Variants in SPG11 observed in about 807,000 individuals in gnomAD.
The protein encoded by SPG11 is SPG11 vesicle trafficking associated, spatacsin.
Under a neutral mutation model 274.0 loss-of-function variants are expected in SPG11, and 222 were observed. That is an observed-to-expected ratio of 0.81 (90% CI 0.73 to 0.91). The LOEUF is 0.91. Among genes scored for constraint, SPG11 ranks in the 40% least tolerant of loss-of-function variants. The pLI, the probability that SPG11 is intolerant of heterozygous loss-of-function variation, is 0.00. For synonymous variants in SPG11, 1,144 were observed against 1,039.7 expected, an observed-to-expected ratio of 1.10 and a Z score of -1.93; for missense variants, 3,114 against 2,872.7, an observed-to-expected ratio of 1.08 and a Z score of -1.92.
chr15:44,626,506 T>A lies in SPG11; in HGVS notation c.2069A>T (p.Glu690Val). ...SNIWKKLSFE[E>V]VIASAILNNK... ...GTTTAAAATGGCGCTGGCAATAACT[T>A]CCTAGGAAAAGAAAAACGTTTGCCT... Residue 690 changes from glutamate to valine, a missense_variant and splice_region_variant, in exon 11 of 40, where the codon GAA becomes GTA. Glu to Val is a moderately radical substitution (Grantham distance 121). Transcript: ENST00000261866. The A allele has an allele frequency of 6.2e-7, 1 of 1,613,666 alleles. No individual in the cohort carries two copies. The highest frequency in any genetic ancestry group is 8.5e-7 in the Non-Finnish European group (1 of 1,179,874).
At position 44,660,435 on chromosome 15, in the gene SPG11, T is replaced by TA. The variant is rs758560047; in HGVS notation, c.438dup (p.Ile147TyrfsTer16). ...AAGACCACCTGTAGATACTTACTGA[T>TA]ATCTTGATCGTCAATGAGCTTTTGC... On this transcript the variant is annotated frameshift_variant, in exon 2 of 40. Coordinates refer to ENST00000261866, the MANE Select transcript of SPG11 (RefSeq NM_025137.4). LOFTEE classifies it high-confidence loss of function. 6.2e-7 allele frequency: 1 copy of TA among 1,613,358 alleles called. No homozygotes were observed. The highest frequency in any genetic ancestry group is 8.5e-7 in the Non-Finnish European group (1 of 1,179,606).
chr15:44,629,152 CTG>C, intron 9 of SPG11, 79 bp downstream of exon 9: 2 of 1,488,738 alleles, frequency 1.3e-6, no homozygotes, highest in Non-Finnish European at 1.9e-6. Context: ...CTGGTTTATG[CTG>C]TGTCACCCAA....
intron 7 of SPG11, 134 bp from the exon 8 acceptor site, chr15:44,633,771 G>C: frequency 1.2e-6 from 1 of 835,558 alleles, no homozygotes; most frequent in Non-Finnish European, 1.9e-6. Context: ...TGAGTACATG[G>C]GCTCCAGTGA....
At position 44,564,705 on chromosome 15, in the gene SPG11, AG is replaced by A. The variant is rs755915877; in HGVS notation, c.7000-8del. ...CCTCAGCCACAATAGAAGCCTTAAA[AG>A]GAGAGGTGAAGAAGGACACCATCAG... On this transcript the variant is annotated splice_region_variant and splice_polypyrimidine_tract_variant and intron_variant, in intron 38 of 39. Transcript: ENST00000261866. The A allele has an allele frequency of 6.2e-6, 10 of 1,614,170 alleles. No individual in the cohort carries two copies. The African/African-American group carries it at 1.2e-4, about 19-fold the overall frequency.
At chr15:44,593,915 G>A (rs553733405) in intron 26 of SPG11, among the ~76,000 whole-genome samples, 4 of 150,494 alleles carry the variant, frequency 2.7e-5, no homozygotes, top group South Asian at 2.1e-4. Context: ...TGCCACGCCC[G>A]GCTTTTTTCT....
At chr15:44,605,615 T>C (rs1254802189) in intron 20 of SPG11, among the ~76,000 whole-genome samples, 4 of 152,202 alleles carry the variant, frequency 2.6e-5, no homozygotes, top group Non-Finnish European at 5.9e-5. Context: ...TGTTCGGTGG[T>C]CACTGTGATT....
At chr15:44,657,365 G>A in intron 3 of SPG11, 69 bp from the exon 4 acceptor site, 2 of 1,448,956 alleles carry the variant, frequency 1.4e-6, no homozygotes, top group Non-Finnish European at 1.9e-6. Context: ...CACAGGTTGG[G>A]AAAGAGCTAT....
rs753296122 is a variant in SPG11 at position 44,657,090 on chromosome 15, C to T, written c.869+5G>A. ...TCAAATTAGAAACTGCAGTCATCTA[C>T]ATACCTGAAATACAAATTTAAGTTA... On this transcript the variant is annotated splice_donor_5th_base_variant and intron_variant, in intron 4 of 39. Coordinates refer to ENST00000261866, the MANE Select transcript of SPG11 (RefSeq NM_025137.4). 7 of 1,613,184 alleles carry T rather than the reference C, an allele frequency of 4.3e-6. No individual in the cohort carries two copies. The South Asian group carries it at 7.7e-5, about 18-fold the overall frequency.
In SPG11 at chr15:44,589,313, G is replaced by C; in HGVS notation, c.4845C>G (p.Thr1615=). ...LLKLMLQQCK[T]QYELGKLLQL... ...GTAAAAGCTTCCCCAGCTCATACTG[G>C]GTCTTACACTGCTGTAGCATAAGCT... is the stretch of plus-strand genomic sequence containing the variant. Residue 1615 remains threonine, a synonymous_variant, in exon 28 of 40, where the codon ACC becomes ACG. Coordinates refer to ENST00000261866, the MANE Select transcript of SPG11 (RefSeq NM_025137.4). The C allele has an allele frequency of 1.9e-6, 3 of 1,614,100 alleles. No individual in the cohort carries two copies. Among genetic ancestry groups the C allele is most frequent in the Non-Finnish European group, 2.5e-6 (3 of 1,179,984 alleles).
At chr15:44,651,989 T>A in intron 5 of SPG11, 50 bp from the exon 6 acceptor site, 1 of 1,578,418 alleles carries the variant, frequency 6.3e-7, no homozygotes, top group Non-Finnish European at 8.6e-7. Flanking sequence ...TAAAAGGCAC[T>A]ATGTAAAACA....
At chr15:44,600,386 G>T in intron 21 of SPG11, 81 bp downstream of exon 21, 1 of 1,502,426 alleles carries the variant, frequency 6.7e-7, no homozygotes, top group Non-Finnish European at 9.2e-7. Context: ...CTGGGCTCAA[G>T]TGATCCTCCT....
intron 30 of SPG11, among the ~76,000 whole-genome samples, chr15:44,583,322 C>A (rs549597040): frequency 6.6e-6 from 1 of 151,956 alleles, no homozygotes; most frequent in Non-Finnish European, 1.5e-5. Context: ...TCTACTAATA[C>A]AAAAATTAGC....
At chr15:44,621,700 T>C (rs1037029045) in intron 14 of SPG11, 59 bp downstream of exon 14, 11 of 1,487,264 alleles carry the variant, frequency 7.4e-6, no homozygotes, top group Admixed American at 3.3e-5. Flanking sequence ...TATTCAAATA[T>C]CAATACCCAA....
chr15:44,648,666 CTT>C (rs918729003), intron 7 of SPG11, among the ~76,000 whole-genome samples, 198 bp downstream of exon 7: 8 of 151,964 alleles, frequency 5.3e-5, no homozygotes, highest in Admixed American at 4.6e-4. Context: ...TTACTATAAT[CTT>C]ATATCTTTTA....
At chr15:44,629,963 C>G (rs1469617011) in intron 8 of SPG11, among the ~76,000 whole-genome samples, 1 of 152,096 alleles carries the variant, frequency 6.6e-6, no homozygotes, top group Non-Finnish European at 1.5e-5. Flanking sequence ...CCCAGCTACT[C>G]AGGAGGCTGA....
rs191615968 is a variant in SPG11 at position 44,639,332 on chromosome 15, G to A, written c.1603-5695C>T. ...AGAGATGGAGAGACAGAGAGAGAGC[G>A]TGTGTGCTCTACTCAGGAATAAGGC... On this transcript the variant is annotated intron_variant, in intron 7 of 39. Coordinates refer to ENST00000261866, the MANE Select transcript of SPG11 (RefSeq NM_025137.4). Among the ~76,000 whole-genome samples, 38 of 151,864 alleles carry A rather than the reference G, an allele frequency of 2.5e-4. No individual in the cohort carries two copies. In the South Asian group the frequency reaches 6.5e-3, roughly 26 times the overall value.
intron 23 of SPG11, chr15:44,597,144 G>A (rs934053136): frequency 7.3e-5 from 35 of 482,402 alleles, no homozygotes; most frequent in African/African-American, 5.2e-4. Flanking sequence ...ACAGAGTTTC[G>A]CTCTTGTTGC....
Position 44,660,578 on chromosome 15 carries a change from G to A in SPG11, c.296C>T (p.Thr99Ile). ...AAGAGCGAGCAGTTTGGGCTTTTCA[G>A]TTGGTGTGCTGCTGTTACGAGAATC... ...WEDSRNSSTP[T>I]EKPKLLALGE... is the part of the protein sequence containing the mutation. The change falls in exon 2 of 40, where the codon ACT becomes ATT. Residue 99 changes from threonine to isoleucine, a missense_variant. Transcript: ENST00000261866. The A allele has an allele frequency of 6.2e-7, 1 of 1,614,160 alleles. No individual in the cohort carries two copies.
chr15:44,638,500 A>C (rs150183010), intron 7 of SPG11, among the ~76,000 whole-genome samples: 3,258 of 129,074 alleles, frequency 0.025, 33 homozygotes, highest in South Asian at 0.046. Flanking sequence ...AAACCACAAA[A>C]CCCCCCCCCC....
Sources: allele counts gnomAD v4.1 joint callset (sites outside exome capture counted in the v4.1 genomes callset), GRCh38; gene constraint gnomAD v4.1.1; transcripts MANE v1.5; gene names NCBI Gene and HGNC (gene_info 2026-07-23, HGNC 2026-07-21).